TBC1D12: variants seen among roughly 807,000 people sequenced by gnomAD.
The protein encoded by TBC1D12 is TBC1 domain family member 12.
A neutral mutation model predicts 86.7 loss-of-function variants in TBC1D12; 56 were observed. The observed-to-expected ratio is 0.65, with a 90% confidence interval of 0.52 to 0.81. The LOEUF (loss-of-function observed/expected upper bound fraction) is 0.81. Among genes scored for constraint, TBC1D12 ranks in the 30% least tolerant of loss-of-function variants. TBC1D12 has a pLI of 0.00. For synonymous variants in TBC1D12, 421 were observed against 411.7 expected (o/e 1.02, Z -0.27); for missense variants, 1,023 against 1,038.8 (o/e 0.98, Z 0.21).
At chr10:94,493,667 C>G (rs916985649) in intron 4 of TBC1D12, among the ~76,000 whole-genome samples, 1 of 152,196 alleles carries the variant, frequency 6.6e-6, no homozygotes, top group Non-Finnish European at 1.5e-5. Context: ...CCTTTTACCT[C>G]TCAGCCTCCC....
chr10:94,531,764 TTTATTTTATG>T (rs58821861), intron 12 of TBC1D12, among the ~76,000 whole-genome samples: 7 of 116,762 alleles, frequency 6.0e-5, no homozygotes, highest in South Asian at 5.3e-4. Context: ...TTTATTTTAT[TTTATTTTATG>T]TTATTTTATT....
intron 9 of TBC1D12, among the ~76,000 whole-genome samples, chr10:94,515,484 A>G (rs1025721190): frequency 2.6e-4 from 40 of 151,946 alleles, no homozygotes; most frequent in Admixed American, 1.0e-3. Context: ...AGTAGCTGGG[A>G]TTACAGGCGC....
chr10:94,507,722 A>T (rs2056478169), intron 7 of TBC1D12, among the ~76,000 whole-genome samples: 1 of 152,180 alleles, frequency 6.6e-6, no homozygotes, highest in Non-Finnish European at 1.5e-5. Flanking sequence ...CGGATGGCTC[A>T]CACCTGTAAT....
chr10:94,463,648 C>T (rs1218044677), intron 2 of TBC1D12, among the ~76,000 whole-genome samples: 1 of 152,182 alleles, frequency 6.6e-6, no homozygotes, highest in Non-Finnish European at 1.5e-5. Flanking sequence ...CCATAACAGT[C>T]AGACAATATA....
chr10:94,495,722 CA>C (rs2056309111), intron 4 of TBC1D12, among the ~76,000 whole-genome samples: 1 of 151,252 alleles, frequency 6.6e-6, no homozygotes, highest in East Asian at 1.9e-4. Context: ...TCTCTTTCAT[CA>C]TTTTTTTTTT....
intron 1 of TBC1D12, among the ~76,000 whole-genome samples, chr10:94,428,567 C>T (rs548081736): frequency 7.9e-5 from 12 of 152,114 alleles, no homozygotes; most frequent in Admixed American, 2.0e-4. Context: ...GCTGGAATTA[C>T]AGGTGTAAGC....
At position 94,488,386 on chromosome 10, in the gene TBC1D12, CTTTTT is replaced by C. The variant is rs770258959; in HGVS notation, c.1212-4961_1212-4957del. ...GTTTGTTATTCAGGGCCCAAGGGGT[CTTTTT>C]TTTTTTTTTTTTTTTTTGAGATGCA... is the stretch of plus-strand genomic sequence containing the variant. On this transcript the variant is annotated intron_variant, in intron 3 of 12. Coordinates refer to ENST00000225235, the MANE Select transcript of TBC1D12 (RefSeq NM_015188.2). 1.0e-2 allele frequency among the ~76,000 whole-genome samples: 747 copies of C among 74,810 alleles called. 35 individuals carry two copies. Among genetic ancestry groups the C allele is most frequent in the Admixed American group, 0.089 (589 of 6,598 alleles). 49.1% of individuals were successfully genotyped at this position (74,810 alleles called of 152,430 possible). A position where few individuals can be genotyped will look rare whatever the true frequency, so the allele number is the denominator to read the frequency against.
At chr10:94,461,870 G>C (rs557856839) in intron 2 of TBC1D12, among the ~76,000 whole-genome samples, 1 of 152,252 alleles carries the variant, frequency 6.6e-6, no homozygotes, top group East Asian at 1.9e-4. Flanking sequence ...TTTTCAGTTT[G>C]CTTAGGTTTT....
intron 11 of TBC1D12, among the ~76,000 whole-genome samples, chr10:94,524,088 T>C (rs1177988462): frequency 2.0e-5 from 3 of 152,204 alleles, no homozygotes; most frequent in African/African-American, 7.2e-5. Context: ...ACTAATGATA[T>C]TAATGGTGTT....
At chr10:94,515,913 A>G (rs1406537069) in intron 9 of TBC1D12, among the ~76,000 whole-genome samples, 1 of 118,592 alleles carries the variant, frequency 8.4e-6, no homozygotes, top group Non-Finnish European at 1.8e-5. Context: ...TGGGTAGCAT[A>G]TACATGGTTA....
intron 3 of TBC1D12, among the ~76,000 whole-genome samples, chr10:94,481,157 G>A (rs917294394): frequency 2.6e-5 from 4 of 151,416 alleles, no homozygotes; most frequent in Admixed American, 2.0e-4. Flanking sequence ...CACAGGTAGA[G>A]TAGATTTAGA....
intron 1 of TBC1D12, among the ~76,000 whole-genome samples, chr10:94,422,185 G>GTT (rs57798611): frequency 4.7e-3 from 506 of 106,696 alleles, no homozygotes; most frequent in Middle Eastern, 6.7e-3. Context: ...GGTTCATGTA[G>GTT]TTTTTTTTTT....
intron 4 of TBC1D12, among the ~76,000 whole-genome samples, chr10:94,493,963 C>T (rs2056281444): frequency 6.6e-6 from 1 of 151,682 alleles, no homozygotes; most frequent in African/African-American, 2.4e-5. Context: ...ATGAATTTCA[C>T]TTTTTACCAT....
intron 1 of TBC1D12, among the ~76,000 whole-genome samples, chr10:94,415,761 A>G (rs1233666994): frequency 1.3e-5 from 2 of 152,176 alleles, no homozygotes; most frequent in East Asian, 3.8e-4. Context: ...AAAGACTAAT[A>G]AAACTTTTGA....
intron 2 of TBC1D12, among the ~76,000 whole-genome samples, chr10:94,442,486 A>G (rs1361619316): frequency 6.6e-6 from 1 of 152,190 alleles, no homozygotes; most frequent in Non-Finnish European, 1.5e-5. Flanking sequence ...TAAACCAAGG[A>G]CTTTGTAAAT....
intron 4 of TBC1D12, 53 bp downstream of exon 4, chr10:94,493,500 G>C: frequency 8.0e-7 from 1 of 1,242,606 alleles, no homozygotes; most frequent in East Asian, 2.3e-5. Context: ...TAAGAAGATG[G>C]ATGGTAAAAT....
At chr10:94,487,993 T>C (rs954156065) in intron 3 of TBC1D12, among the ~76,000 whole-genome samples, 4 of 152,050 alleles carry the variant, frequency 2.6e-5, no homozygotes, top group Non-Finnish European at 4.4e-5. Context: ...GCCACCATAA[T>C]GGCTGACTTG....
At position 94,531,612 on chromosome 10, in the gene TBC1D12, C is replaced by T. The variant is rs1040081774; in HGVS notation, c.2259+152C>T. The T allele has an allele frequency of 8.9e-6, 5 of 562,168 alleles. No homozygotes were observed. The South Asian group carries it at 3.3e-4, about 37-fold the overall frequency. The allele number at this position is 562,168 out of a possible 1,614,324, so 34.8% of individuals were successfully genotyped here. Reference sequence around the variant, plus strand: ...GAAGCAAGAGTTTAAATCAAATTGCCCACTTTGCAGCTATCCAAACATAGG... The same window carrying T: ...GAAGCAAGAGTTTAAATCAAATTGCTCACTTTGCAGCTATCCAAACATAGG... On this transcript the variant is annotated intron_variant, in intron 12 of 12. Coordinates refer to ENST00000225235, the MANE Select transcript of TBC1D12 (RefSeq NM_015188.2).
At chr10:94,429,549 T>A (rs1026213464) in intron 1 of TBC1D12, among the ~76,000 whole-genome samples, 3 of 152,268 alleles carry the variant, frequency 2.0e-5, no homozygotes, top group Admixed American at 2.0e-4. Context: ...TAGTTATACT[T>A]CTTTGAATTA....
Sources: allele counts gnomAD v4.1 joint callset (sites outside exome capture counted in the v4.1 genomes callset), GRCh38; gene constraint gnomAD v4.1.1; transcripts MANE v1.5; gene names NCBI Gene and HGNC (gene_info 2026-07-23, HGNC 2026-07-21).